TBL1XR1: variants seen among roughly 807,000 people sequenced by gnomAD.
The protein encoded by TBL1XR1 is TBL1X/Y related 1.
In TBL1XR1, 5 loss-of-function variants were observed where a neutral mutation model predicts 66.9. That is an observed-to-expected ratio of 0.07 (90% confidence interval 0.04 to 0.16). The LOEUF (loss-of-function observed/expected upper bound fraction) is 0.16. TBL1XR1 is among the 10% of genes least tolerant of loss of function. The probability of loss-of-function intolerance (pLI) is 1.00; values close to 1 mark genes in which losing one functional copy is unlikely to be tolerated. For synonymous variants in TBL1XR1, 210 were observed against 206.0 expected (o/e 1.02, Z -0.17); for missense variants, 238 against 623.2 (o/e 0.38, Z 6.58).
intron 1 of TBL1XR1, among the ~76,000 whole-genome samples, chr3:177,106,019 T>C (rs1724838362): frequency 6.6e-6 from 1 of 152,136 alleles, no homozygotes; most frequent in South Asian, 2.1e-4. Flanking sequence ...ATTAATCTAA[T>C]TTTAAGATTA....
At chr3:177,112,309 C>T (rs956888211) in intron 1 of TBL1XR1, among the ~76,000 whole-genome samples, 10 of 150,564 alleles carry the variant, frequency 6.6e-5, no homozygotes, top group Non-Finnish European at 1.3e-4. Context: ...GGTTTTGACA[C>T]GTTGGCCAGG....
chr3:177,063,610 T>C (rs537864403), intron 3 of TBL1XR1, among the ~76,000 whole-genome samples: 6 of 152,376 alleles, frequency 3.9e-5, no homozygotes, highest in African/African-American at 1.4e-4. Context: ...GTTTACAAGT[T>C]ACATACGTAA....
chr3:177,025,417 C>T lies in TBL1XR1; in HGVS notation c.*81G>A. 6.9e-7 allele frequency: 1 copy of T among 1,454,602 alleles called. No homozygotes were observed. The highest frequency in any genetic ancestry group is 9.6e-7 in the Non-Finnish European group (1 of 1,041,294). The allele number at this position is 1,454,602 out of a possible 1,614,324, so 90.1% of individuals were successfully genotyped here. A position where few individuals can be genotyped will look rare whatever the true frequency, so the allele number is the denominator to read the frequency against. On this transcript the variant is annotated 3_prime_UTR_variant, in exon 16 of 16. Transcript: ENST00000457928. The stretch of plus-strand genomic sequence containing the variant: ...TGGACTGGCCATGGTTCAAGTGGGA[C>T]TATAGCAGTACATGGGTCAGGGACA...
intron 12 of TBL1XR1, among the ~76,000 whole-genome samples, chr3:177,035,218 ACT>A (rs1576985743): frequency 6.6e-6 from 1 of 152,068 alleles, no homozygotes; most frequent in East Asian, 1.9e-4. Context: ...ACTGTTGGCC[ACT>A]CTCAACTCTT....
At chr3:177,058,654 G>C (rs1025100557) in intron 3 of TBL1XR1, among the ~76,000 whole-genome samples, 2 of 152,152 alleles carry the variant, frequency 1.3e-5, no homozygotes, top group African/African-American at 4.8e-5. Flanking sequence ...AAAAGCTGAA[G>C]GGGATATAAG....
In TBL1XR1 at chr3:177,038,122, G is replaced by T; in HGVS notation, c.1098C>A (p.Ser366=). ...KWDPTGNLLA[S]CSDDMTLKIW... ...CCTTTAAAGTCATGTCGTCAGAACAGGAGGCCAAGAGATTGCCAGTTGGGT... is the reference window on the plus strand; with the variant it reads ...CCTTTAAAGTCATGTCGTCAGAACATGAGGCCAAGAGATTGCCAGTTGGGT... The change falls in exon 12 of 16, where the codon TCC becomes TCA. Residue 366 remains serine, a synonymous_variant. Coordinates refer to ENST00000457928, the MANE Select transcript of TBL1XR1 (RefSeq NM_024665.7). 1 of 1,612,768 alleles carries T rather than the reference G, an allele frequency of 6.2e-7. No homozygotes were observed. The highest frequency in any genetic ancestry group is 8.5e-7 in the Non-Finnish European group (1 of 1,179,792).
chr3:177,025,219 C>T lies in TBL1XR1; in HGVS notation c.*279G>A, dbSNP rs1444378553. 2.6e-6 allele frequency: 1 copy of T among 390,746 alleles called. No individual in the cohort carries two copies. The highest frequency in any genetic ancestry group is 3.9e-5 in the East Asian group (1 of 25,578). The allele number at this position is 390,746 out of a possible 1,614,324, so 24.2% of individuals were successfully genotyped here. On this transcript the variant is annotated 3_prime_UTR_variant, in exon 16 of 16. Transcript: ENST00000457928. ...CTGCTTTTATAATGTATATTTTTCT[C>T]TCTTCTGTTTTTCATATCCAAAACT...
chr3:177,095,636 C>T (rs368977125), intron 2 of TBL1XR1, among the ~76,000 whole-genome samples: 11 of 151,890 alleles, frequency 7.2e-5, no homozygotes, highest in Admixed American at 4.6e-4. Context: ...TGCGCCACCA[C>T]GCCTGGCTAA....
At chr3:177,048,606 C>T (rs975934111) in intron 7 of TBL1XR1, among the ~76,000 whole-genome samples, 1 of 152,172 alleles carries the variant, frequency 6.6e-6, no homozygotes, top group African/African-American at 2.4e-5. Context: ...CCACATCCTA[C>T]ACAATGTCAA....
intron 1 of TBL1XR1, among the ~76,000 whole-genome samples, chr3:177,149,968 A>G (rs1009102090): frequency 3.2e-4 from 48 of 152,346 alleles, no homozygotes; most frequent in African/African-American, 1.1e-3. Flanking sequence ...AATAAATCTT[A>G]AAGTGGGTAT....
At chr3:177,197,641 G>C (rs1160933365), upstream of TBL1XR1, among the ~76,000 whole-genome samples, 34 of 140,110 alleles carry the variant, frequency 2.4e-4, no homozygotes, top group Admixed American at 2.1e-3. Flanking sequence ...CGAGCGGGCG[G>C]GCGGGCGCGC....
At chr3:177,034,393 GACAC>G in intron 12 of TBL1XR1, 68 bp from the exon 13 acceptor site, 2 of 1,165,204 alleles carry the variant, frequency 1.7e-6, no homozygotes, top group Non-Finnish European at 2.3e-6. Flanking sequence ...ATATTATTTT[GACAC>G]TTAAAATATT....
chr3:177,150,880 G>GT (rs1730803240), intron 1 of TBL1XR1, among the ~76,000 whole-genome samples: 1 of 152,188 alleles, frequency 6.6e-6, no homozygotes, highest in Non-Finnish European at 1.5e-5. Flanking sequence ...CATTTAAAAA[G>GT]TAAGACACAA....
At chr3:177,039,038 G>A (rs1341727130) in intron 10 of TBL1XR1, among the ~76,000 whole-genome samples, 1 of 152,106 alleles carries the variant, frequency 6.6e-6, no homozygotes, top group Non-Finnish European at 1.5e-5. Context: ...CACATTAAAT[G>A]CTTAATACAA....
chr3:177,150,661 C>T (rs139437510), intron 1 of TBL1XR1, among the ~76,000 whole-genome samples: 1 of 152,316 alleles, frequency 6.6e-6, no homozygotes, highest in East Asian at 1.9e-4. Flanking sequence ...CCCAGCTCTA[C>T]CTGACTAACC....
At chr3:177,048,410 G>C (rs191728365) in intron 7 of TBL1XR1, among the ~76,000 whole-genome samples, 12 of 152,236 alleles carry the variant, frequency 7.9e-5, no homozygotes, top group Middle Eastern at 3.4e-3. Context: ...TTTGGTAAGG[G>C]CATTCAAAAC....
At chr3:177,096,866 T>TG (rs1355771364) in intron 2 of TBL1XR1, among the ~76,000 whole-genome samples, 1 of 151,980 alleles carries the variant, frequency 6.6e-6, no homozygotes, top group Non-Finnish European at 1.5e-5. Context: ...AAGCTTGGCT[T>TG]GGGGGGTGGG....
rs1033922229 is a variant in TBL1XR1 at position 177,024,985 on chromosome 3, C to T, written c.*513G>A. ...TATAAACAAGAAACTGATTCACTCC[C>T]TTACTTCATGCATCCATAATCTAAA... On this transcript the variant is annotated 3_prime_UTR_variant, in exon 16 of 16. Coordinates refer to ENST00000457928, the MANE Select transcript of TBL1XR1 (RefSeq NM_024665.7). 2.0e-5 allele frequency: 3 copies of T among 153,500 alleles called. No homozygotes were observed. The highest frequency in any genetic ancestry group is 4.4e-5 in the Non-Finnish European group (3 of 68,686). The allele number at this position is 153,500 out of a possible 1,614,324, so 9.5% of individuals were successfully genotyped here. A position where few individuals can be genotyped will look rare whatever the true frequency, so the allele number is the denominator to read the frequency against.
At chr3:177,189,191 G>C (rs1735808404) in intron 1 of TBL1XR1, among the ~76,000 whole-genome samples, 1 of 150,860 alleles carries the variant, frequency 6.6e-6, no homozygotes, top group South Asian at 2.1e-4. Context: ...TTAGGCAACA[G>C]AATGAGTCTT....
Sources: allele counts gnomAD v4.1 joint callset (sites outside exome capture counted in the v4.1 genomes callset), GRCh38; gene constraint gnomAD v4.1.1; transcripts MANE v1.5; gene names NCBI Gene and HGNC (gene_info 2026-07-23, HGNC 2026-07-21).